Variants in CCSER2 observed in about 807,000 individuals in gnomAD.
CCSER2 encodes the protein serine-rich coiled-coil domain-containing protein 2.
Under a neutral mutation model 92.3 loss-of-function variants are expected in CCSER2, and 46 were observed. The ratio of observed to expected loss-of-function variants is 0.50; its 90% CI spans 0.39 to 0.64. The LOEUF (loss-of-function observed/expected upper bound fraction) is 0.64. CCSER2 is among the 30% of genes least tolerant of loss of function. The pLI is 0.00. For synonymous variants in CCSER2, 433 were observed against 431.4 expected, an observed-to-expected ratio of 1.00 and a Z score of -0.04; for missense variants, 1,244 against 1,238.9, an observed-to-expected ratio of 1.00 and a Z score of -0.06.
At chr10:84,428,850 A>C (rs1384572075) in intron 5 of CCSER2, among the ~76,000 whole-genome samples, 1 of 151,910 alleles carries the variant, frequency 6.6e-6, no homozygotes. Context: ...TTCTGTGTCT[A>C]TGGAGATAAT....
intron 6 of CCSER2, among the ~76,000 whole-genome samples, chr10:84,462,048 T>C (rs372304671): frequency 1.8e-4 from 28 of 152,332 alleles, no homozygotes; most frequent in East Asian, 1.5e-3. Context: ...AGATCTGTTC[T>C]GAGTATACAT....
intron 1 of CCSER2, among the ~76,000 whole-genome samples, chr10:84,356,871 G>A (rs574786671): frequency 5.3e-5 from 8 of 152,274 alleles, no homozygotes; most frequent in South Asian, 2.1e-4. Flanking sequence ...GTGTGTGTGT[G>A]TATATACATA....
chr10:84,336,784 G>C (rs899779432), intron 1 of CCSER2, among the ~76,000 whole-genome samples: 1 of 152,220 alleles, frequency 6.6e-6, no homozygotes, highest in Admixed American at 6.5e-5. Flanking sequence ...ACTCTCAGCT[G>C]CTATGTAGGG....
At position 84,365,780 on chromosome 10, in the gene CCSER2, C is replaced by T. The variant is rs79113808; in HGVS notation, c.-39-5234C>T. ...GAAAGGAAAGAATATAATTTTCTTT[C>T]CGTGGTCTACTTGTGACAGGCGGGG... On this transcript the variant is annotated intron_variant, in intron 1 of 9. Coordinates refer to ENST00000372088, the MANE Select transcript of CCSER2 (RefSeq NM_001284240.2). 3.5e-4 allele frequency among the ~76,000 whole-genome samples: 54 copies of T among 152,288 alleles called. 1 individual carries two copies. In the East Asian group the frequency reaches 8.7e-3, roughly 24 times the overall value.
At chr10:84,503,261 G>A (rs369500173) in intron 9 of CCSER2, among the ~76,000 whole-genome samples, 2 of 152,190 alleles carry the variant, frequency 1.3e-5, no homozygotes, top group African/African-American at 4.8e-5. Flanking sequence ...GAGATAAATG[G>A]AAGGTTCTGG....
intron 1 of CCSER2, among the ~76,000 whole-genome samples, chr10:84,364,824 C>T (rs929618601): frequency 2.7e-5 from 4 of 150,270 alleles, no homozygotes; most frequent in East Asian, 2.0e-4. Flanking sequence ...TCACTGCAAC[C>T]TCTGCCTCCC....
At chr10:84,347,151 A>G (rs571657930) in intron 1 of CCSER2, among the ~76,000 whole-genome samples, 1 of 152,324 alleles carries the variant, frequency 6.6e-6, no homozygotes, top group South Asian at 2.1e-4. Context: ...CTTAGTACAG[A>G]ACAAAATGAA....
intron 9 of CCSER2, among the ~76,000 whole-genome samples, chr10:84,479,062 CATG>C (rs1451853362): frequency 6.6e-6 from 1 of 152,116 alleles, no homozygotes; most frequent in Non-Finnish European, 1.5e-5. Context: ...TTCCATTAAG[CATG>C]ATAAGTTCCA....
In CCSER2 at chr10:84,381,184, T is replaced by G. The variant is rs1840887261; in HGVS notation, c.1614+7369T>G. Among the ~76,000 whole-genome samples the G allele has an allele frequency of 3.3e-5, 5 of 152,350 alleles. No individual in the cohort carries two copies. The South Asian group carries it at 8.3e-4, about 25-fold the overall frequency. ...ACTATGAACATTAAATGAGGTCATA[T>G]ATATAAAGTACTTATTAATGCCAGG... is the stretch of plus-strand genomic sequence containing the variant. On this transcript the variant is annotated intron_variant, in intron 3 of 9. Coordinates refer to ENST00000372088, the MANE Select transcript of CCSER2 (RefSeq NM_001284240.2).
intron 3 of CCSER2, among the ~76,000 whole-genome samples, chr10:84,386,312 A>C (rs1004800010): frequency 6.6e-6 from 1 of 152,270 alleles, no homozygotes; most frequent in Non-Finnish European, 1.5e-5. Context: ...AATAAATATA[A>C]ATTATCAAAA....
chr10:84,335,582 GT>G (rs1364905705), intron 1 of CCSER2, among the ~76,000 whole-genome samples: 2 of 151,948 alleles, frequency 1.3e-5, no homozygotes, highest in African/African-American at 2.4e-5. Flanking sequence ...TTCCAGTCCT[GT>G]TTTTTTGAGT....
intron 9 of CCSER2, among the ~76,000 whole-genome samples, chr10:84,503,876 A>T (rs1394375960): frequency 6.6e-6 from 1 of 152,238 alleles, no homozygotes; most frequent in Non-Finnish European, 1.5e-5. Context: ...CCATAATTAT[A>T]TTAAGAATGA....
At chr10:84,367,952 G>A (rs1234300015) in intron 1 of CCSER2, among the ~76,000 whole-genome samples, 1 of 151,930 alleles carries the variant, frequency 6.6e-6, no homozygotes, top group Non-Finnish European at 1.5e-5. Context: ...GCCCTTCTGT[G>A]GCCCTATGCT....
chr10:84,462,729 C>A (rs1355869731), intron 6 of CCSER2, among the ~76,000 whole-genome samples: 1 of 152,146 alleles, frequency 6.6e-6, no homozygotes, highest in South Asian at 2.1e-4. Flanking sequence ...TCAGCATTAC[C>A]TTTTGAACTG....
chr10:84,500,438 T>A (rs1269734334), intron 9 of CCSER2, among the ~76,000 whole-genome samples: 1 of 152,224 alleles, frequency 6.6e-6, no homozygotes, highest in Non-Finnish European at 1.5e-5. Flanking sequence ...TTCACTGTCA[T>A]CTAAAATAAA....
chr10:84,455,817 A>C (rs1387213279), intron 6 of CCSER2: 1 of 945,374 alleles, frequency 1.1e-6, no homozygotes, highest in African/African-American at 1.6e-5. Flanking sequence ...GACTGATCCC[A>C]TCCATAATTA....
At chr10:84,387,615 G>A (rs1019002386) in intron 3 of CCSER2, among the ~76,000 whole-genome samples, 6 of 151,604 alleles carry the variant, frequency 4.0e-5, no homozygotes, top group Admixed American at 1.3e-4. Flanking sequence ...TGTAAGCTCC[G>A]CCTCCTGGGT....
intron 6 of CCSER2, among the ~76,000 whole-genome samples, chr10:84,442,275 G>A (rs1401343531): frequency 6.6e-6 from 1 of 152,080 alleles, no homozygotes; most frequent in African/African-American, 2.4e-5. Context: ...TAAAAAAAAT[G>A]TAAAGGACAA....
chr10:84,443,212 C>T (rs1426683444), intron 6 of CCSER2, among the ~76,000 whole-genome samples: 3 of 152,060 alleles, frequency 2.0e-5, no homozygotes, highest in Non-Finnish European at 4.4e-5. Flanking sequence ...GAAGAGGCAA[C>T]CTAGAGAATG....
Sources: allele counts gnomAD v4.1 joint callset (sites outside exome capture counted in the v4.1 genomes callset), GRCh38; gene constraint gnomAD v4.1.1; transcripts MANE v1.5; gene names NCBI Gene and HGNC (gene_info 2026-07-23, HGNC 2026-07-21).